The following SPAG16 variants were observed in gnomAD, a reference collection of about 807,000 sequenced individuals.
SPAG16 encodes sperm associated antigen 16.
In SPAG16, 86 loss-of-function variants were observed where a neutral mutation model predicts 80.4. The observed-to-expected ratio is 1.07, with a 90% CI of 0.90 to 1.28. The LOEUF (loss-of-function observed/expected upper bound fraction) is 1.28, where lower values mean the gene tolerates loss of function less well. SPAG16 is among the 50% of genes most tolerant of loss of function. The pLI, the probability that SPAG16 is intolerant of heterozygous loss-of-function variation, is 0.00. For missense variants in SPAG16, 870 were observed against 765.3 expected (o/e 1.14, Z -1.61); for synonymous variants, 294 against 265.9 (o/e 1.11, Z -1.03).
intron 11 of SPAG16, among the ~76,000 whole-genome samples, chr2:213,870,669 A>G (rs2075911617): frequency 6.6e-6 from 1 of 152,226 alleles, no homozygotes; most frequent in South Asian, 2.1e-4. Context: ...AGCATTCAGC[A>G]CAGTTCTGAT....
intron 7 of SPAG16, among the ~76,000 whole-genome samples, chr2:213,363,241 G>GCTATTCTAAATAA (rs1273591919): frequency 6.6e-6 from 1 of 152,018 alleles, no homozygotes. Flanking sequence ...CAACTCTCCT[G>GCTATTCTAAATAA]TTAATCTTAT....
chr2:214,186,861 G>C (rs2057495966), intron 15 of SPAG16, among the ~76,000 whole-genome samples: 2 of 152,088 alleles, frequency 1.3e-5, no homozygotes, highest in Admixed American at 1.3e-4. Flanking sequence ...CTGTGTTCAA[G>C]CAATTGTCCT....
Position 213,405,396 on chromosome 2 carries a change from A to G in SPAG16, c.942+30277A>G, listed in dbSNP as rs1393835473. 7.2e-5 allele frequency among the ~76,000 whole-genome samples: 11 copies of G among 152,340 alleles called. No homozygotes were observed. The East Asian group carries it at 2.1e-3, about 29-fold the overall frequency. On this transcript the variant is annotated intron_variant, in intron 9 of 15. Coordinates refer to ENST00000331683, the MANE Select transcript of SPAG16 (RefSeq NM_024532.5). ...TATGGGGTACATGTGATATTTTGATATAAACATACAATGTGTAATGATCAA... is the reference window on the plus strand; with the variant it reads ...TATGGGGTACATGTGATATTTTGATGTAAACATACAATGTGTAATGATCAA...
intron 10 of SPAG16, among the ~76,000 whole-genome samples, chr2:213,521,998 A>G (rs1049328957): frequency 1.3e-5 from 2 of 152,228 alleles, no homozygotes; most frequent in African/African-American, 4.8e-5. Context: ...CTTATAAGCA[A>G]TAGTGTGAGC....
At chr2:213,772,879 T>C (rs1208234351) in intron 10 of SPAG16, among the ~76,000 whole-genome samples, 2 of 152,188 alleles carry the variant, frequency 1.3e-5, no homozygotes, top group African/African-American at 2.4e-5. Flanking sequence ...CTATTCCTTT[T>C]AGCATAATTT....
intron 12 of SPAG16, among the ~76,000 whole-genome samples, chr2:213,949,179 T>TGTTTTTTTTTTTTTTTTTTTGTTTTG (rs1553677649): frequency 5.5e-5 from 2 of 36,260 alleles, no homozygotes; most frequent in East Asian, 2.1e-3. Context: ...GTTTTTTTTT[T>TGTTTTTTTTTTTTTTTTTTTGTTTTG]TTTTTTTTTT....
intron 10 of SPAG16, among the ~76,000 whole-genome samples, chr2:213,786,421 T>A (rs2070348007): frequency 6.6e-6 from 1 of 152,222 alleles, no homozygotes; most frequent in Non-Finnish European, 1.5e-5. Flanking sequence ...TGGTACATTA[T>A]TGAGAATTAA....
intron 12 of SPAG16, among the ~76,000 whole-genome samples, chr2:213,976,159 T>C (rs2045380178): frequency 2.1e-5 from 3 of 141,384 alleles, no homozygotes; most frequent in Non-Finnish European, 4.5e-5. Flanking sequence ...CACACACGTA[T>C]GTATATACAT....
At position 213,334,345 on chromosome 2, in the gene SPAG16, C is replaced by CTGTT. The variant is rs2064248743; in HGVS notation, c.537-5818_537-5817insTGTT. ...ATATGGAGAAAAGGGAACCCTTGTACGCTGTTGGTGGGATTGTAAATTAGT... is the reference window on the plus strand; with the variant it reads ...ATATGGAGAAAAGGGAACCCTTGTACTGTTGCTGTTGGTGGGATTGTAAATTAGT... On this transcript the variant is annotated intron_variant, in intron 5 of 15. Transcript: ENST00000331683. 5.9e-5 allele frequency among the ~76,000 whole-genome samples: 9 copies of CTGTT among 152,224 alleles called. 1 individual carries two copies. In the South Asian group the frequency reaches 1.9e-3, roughly 32 times the overall value.
chr2:214,310,161 CTTTCT>C (rs1192392241), intron 15 of SPAG16, among the ~76,000 whole-genome samples: 7 of 131,920 alleles, frequency 5.3e-5, no homozygotes, highest in Admixed American at 3.2e-4. Flanking sequence ...CATTTTCTTT[CTTTCT>C]TTTTTTTTTT....
intron 10 of SPAG16, among the ~76,000 whole-genome samples, chr2:213,754,405 T>G (rs946058891): frequency 2.6e-5 from 4 of 152,194 alleles, no homozygotes; most frequent in African/African-American, 9.6e-5. Flanking sequence ...TTGCTCATTT[T>G]TATTTATTTT....
chr2:213,862,445 A>G (rs191437495), intron 10 of SPAG16, 40 bp from the exon 11 acceptor site: 4 of 1,598,480 alleles, frequency 2.5e-6, no homozygotes, highest in African/African-American at 2.7e-5. Flanking sequence ...AACATTTGCT[A>G]TTATCTCCCC....
chr2:213,646,143 T>A (rs2062815522), intron 10 of SPAG16, among the ~76,000 whole-genome samples: 1 of 152,204 alleles, frequency 6.6e-6, no homozygotes, highest in Non-Finnish European at 1.5e-5. Context: ...GGTGGCATCA[T>A]GATTCAAAAC....
chr2:213,781,008 G>T (rs1472623142), intron 10 of SPAG16, among the ~76,000 whole-genome samples: 8 of 152,162 alleles, frequency 5.3e-5, no homozygotes, highest in Admixed American at 1.3e-4. Context: ...TCAAGTCATT[G>T]TCAGAAAAAG....
intron 15 of SPAG16, among the ~76,000 whole-genome samples, chr2:214,308,291 G>C (rs1695057601): frequency 6.6e-6 from 1 of 152,116 alleles, no homozygotes; most frequent in African/African-American, 2.4e-5. Flanking sequence ...CACTGCATGT[G>C]AGACGGATCT....
At chr2:213,997,552 G>A (rs1186089260) in intron 12 of SPAG16, among the ~76,000 whole-genome samples, 1 of 152,156 alleles carries the variant, frequency 6.6e-6, no homozygotes, top group East Asian at 1.9e-4. Context: ...AAGGTCCCCT[G>A]TTAGTCCTAA....
At chr2:213,890,215 A>G (rs774236909) in intron 11 of SPAG16, among the ~76,000 whole-genome samples, 1 of 152,088 alleles carries the variant, frequency 6.6e-6, no homozygotes, top group Non-Finnish European at 1.5e-5. Flanking sequence ...CTTTAGTGGC[A>G]TTGGTAAATA....
chr2:214,332,653 C>T (rs1006183185), intron 15 of SPAG16, among the ~76,000 whole-genome samples: 1 of 152,160 alleles, frequency 6.6e-6, no homozygotes, highest in Admixed American at 6.5e-5. Context: ...CATAATGAAT[C>T]AATATCTGTC....
intron 15 of SPAG16, among the ~76,000 whole-genome samples, chr2:214,248,526 C>T (rs1690023923): frequency 6.6e-6 from 1 of 151,872 alleles, no homozygotes; most frequent in South Asian, 2.1e-4. Context: ...ACCATGTTGA[C>T]CAGGTTGGTC....
Sources: allele counts gnomAD v4.1 joint callset (sites outside exome capture counted in the v4.1 genomes callset), GRCh38; gene constraint gnomAD v4.1.1; transcripts MANE v1.5; gene names NCBI Gene and HGNC (gene_info 2026-07-23, HGNC 2026-07-21).